Variants in FBN3 observed in about 807,000 individuals in gnomAD.
The protein encoded by FBN3 is fibrillin-3.
In FBN3, 234 loss-of-function variants were observed where a neutral mutation model predicts 330.1. That is an observed-to-expected ratio of 0.71 (90% CI 0.64 to 0.79). The LOEUF (loss-of-function observed/expected upper bound fraction) is 0.79. FBN3 is among the 30% of genes least tolerant of loss of function. FBN3 has a pLI of 0.00. For missense variants in FBN3, 3,606 were observed against 3,886.9 expected, an observed-to-expected ratio of 0.93 and a Z score of 1.92; for synonymous variants, 1,458 against 1,517.3, an observed-to-expected ratio of 0.96 and a Z score of 0.91.
intron 32 of FBN3, 65 bp downstream of exon 32, chr19:8,111,583 A>C: frequency 7.4e-7 from 1 of 1,358,836 alleles, no homozygotes; most frequent in Non-Finnish European, 1.0e-6. Context: ...CATGGCAGCC[A>C]CCGTGAATTC....
chr19:8,088,289 T>A, intron 51 of FBN3, 110 bp from the exon 52 acceptor site: 2 of 1,345,350 alleles, frequency 1.5e-6, no homozygotes, highest in Non-Finnish European at 2.0e-6. Context: ...CCAGATCGAA[T>A]GCACCTCTAG....
chr19:8,089,722 G>A, intron 50 of FBN3, 52 bp from the exon 51 acceptor site: 3 of 1,606,330 alleles, frequency 1.9e-6, no homozygotes, highest in Non-Finnish European at 1.7e-6. Flanking sequence ...ACAATCGCCA[G>A]AGCCCTGGCC....
At chr19:8,115,711 G>A in intron 29 of FBN3, 71 bp from the exon 30 acceptor site, 3 of 1,550,342 alleles carry the variant, frequency 1.9e-6, no homozygotes, top group Non-Finnish European at 2.7e-6. Context: ...AGGTGAGGGT[G>A]GGAGGGAGAT....
At chr19:8,132,858 G>T in intron 14 of FBN3, 126 bp downstream of exon 14, 6 of 1,046,338 alleles carry the variant, frequency 5.7e-6, no homozygotes, top group Non-Finnish European at 5.2e-6. Context: ...TTTTCTCCCT[G>T]CCCCTTCTCT....
Position 8,125,905 on chromosome 19 carries a change from G to A in FBN3, c.2718C>T (p.Gly906=). 2 of 1,612,858 alleles carry A rather than the reference G, an allele frequency of 1.2e-6. No individual in the cohort carries two copies. The highest frequency in any genetic ancestry group is 1.7e-6 in the Non-Finnish European group (2 of 1,179,798). The change falls in exon 22 of 64, where the codon GGC becomes GGT. Residue 906 remains glycine, a synonymous_variant. Coordinates refer to ENST00000600128, the MANE Select transcript of FBN3 (RefSeq NM_032447.5). The part of the protein sequence containing the change: ...CPEGLMLDAS[G]RLCVDVRLEP... ...GCCTGGACTCACCCACGCACAGCCG[G>A]CCTGAGGCGTCCAGCATCAGGCCCT...
intron 38 of FBN3, among the ~76,000 whole-genome samples, chr19:8,103,971 AC>A (rs1031800403): frequency 2.6e-5 from 4 of 151,738 alleles, no homozygotes; most frequent in African/African-American, 7.3e-5. Context: ...CCCCATCTCT[AC>A]TAAAAATTTT....
Position 8,081,355 on chromosome 19 carries a change from C to T in FBN3, c.7336+3G>A. Reference sequence around the variant, plus strand: ...GAGTGGGGGAGAGTTGAAAGGACATCACCTTTGCAGGTCCTGCCATCCTCC... The same window carrying T: ...GAGTGGGGGAGAGTTGAAAGGACATTACCTTTGCAGGTCCTGCCATCCTCC... On this transcript the variant is annotated splice_donor_region_variant and intron_variant, in intron 58 of 63. Transcript: ENST00000600128. The T allele has an allele frequency of 6.3e-7, 1 of 1,596,732 alleles. No individual in the cohort carries two copies. The highest frequency in any genetic ancestry group is 8.5e-7 in the Non-Finnish European group (1 of 1,171,738).
At position 8,090,224 on chromosome 19, in the gene FBN3, C is replaced by A. The variant is rs755211619; in HGVS notation, c.6059G>T (p.Arg2020Leu). The change falls in exon 49 of 64, where the codon CGT becomes CTT. Residue 2020 changes from arginine to leucine, a missense_variant. Transcript: ENST00000600128. ...FDTRQSFCFT[R>L]FEAGKCSVPK... is the part of the protein sequence containing the mutation. ...CACCGAGCACTTCCCAGCCTCAAAA[C>A]GGGTGAAGCAGAAACTCTGCCGTGT... 1 of 1,613,984 alleles carries A rather than the reference C, an allele frequency of 6.2e-7. No individual in the cohort carries two copies. Among genetic ancestry groups the A allele is most frequent in the Admixed American group, 1.7e-5 (1 of 59,994 alleles).
rs765575981 is a variant in FBN3 at position 8,075,125 on chromosome 19, G to A, written c.7648C>T (p.Arg2550Cys). ...HGCQNQLGGY[R>C]CSCPQGFTQH... ...GTGAAACCCTGGGGGCAGCTGCAGC[G>A]GTAGCCCCCTAGCTGGTTCTGACAG... Residue 2550 changes from arginine (R) to cysteine (C), a missense_variant, in exon 61 of 64, where the codon CGC (arginine) becomes TGC (cysteine). Arg to Cys is a radical substitution (Grantham distance 180). Coordinates refer to ENST00000600128, the MANE Select transcript of FBN3 (RefSeq NM_032447.5). The A allele has an allele frequency of 1.0e-5, 16 of 1,588,562 alleles. No homozygotes were observed. The highest frequency in any genetic ancestry group is 1.7e-4 in the Middle Eastern group (1 of 5,938).
chr19:8,082,628 G>A (rs2081830495), intron 57 of FBN3, among the ~76,000 whole-genome samples: 1 of 151,884 alleles, frequency 6.6e-6, no homozygotes, highest in South Asian at 2.1e-4. Flanking sequence ...CGCGTAGCTG[G>A]GATTATAGGC....
rs746532390 is a variant in FBN3, at chr19:8,085,567, T to A, written c.6883A>T (p.Ile2295Phe). The A allele has an allele frequency of 1.5e-5, 23 of 1,559,710 alleles. No homozygotes were observed. Among genetic ancestry groups the A allele is most frequent in the Non-Finnish European group, 1.6e-5 (19 of 1,153,490 alleles). The change falls in exon 56 of 64, where the codon ATC (isoleucine) becomes TTC (phenylalanine). Residue 2295 changes from isoleucine (I) to phenylalanine (F), a missense_variant and splice_region_variant. Coordinates refer to ENST00000600128, the MANE Select transcript of FBN3 (RefSeq NM_032447.5). ...TCGGCAAAGCAGGGCCCCTGCCGGA[T>A]GTCTGCAGAGAACAATGGGAAAGAC... is the stretch of plus-strand genomic sequence containing the variant. The part of the protein sequence containing the change: ...PSPTLTECHD[I>F]RQGPCFAEVL...
At position 8,081,091 on chromosome 19, in the gene FBN3, G is replaced by GT; in HGVS notation, c.7364dup (p.His2455GlnfsTer33). On this transcript the variant is annotated frameshift_variant, in exon 59 of 64. Transcript: ENST00000600128. LOFTEE classifies it high-confidence loss of function. Reference sequence around the variant, plus strand: ...TGTTGACACAGAGGAACTGACAGTTGTGCTGCCGGGAGGTGCATTCGTCCA... The same window carrying GT: ...TGTTGACACAGAGGAACTGACAGTTGTTGCTGCCGGGAGGTGCATTCGTCCA... 2.5e-6 allele frequency: 4 copies of GT among 1,613,826 alleles called. No homozygotes were observed. The highest frequency in any genetic ancestry group is 1.7e-6 in the Non-Finnish European group (2 of 1,180,010).
At chr19:8,078,062 A>G (rs1374193540) in intron 59 of FBN3, among the ~76,000 whole-genome samples, 6 of 152,210 alleles carry the variant, frequency 3.9e-5, no homozygotes, top group Admixed American at 3.3e-4. Flanking sequence ...TGGGCGACAG[A>G]GCAAGACTCC....
intron 53 of FBN3, 97 bp from the exon 54 acceptor site, chr19:8,087,308 T>C: frequency 7.5e-7 from 1 of 1,341,966 alleles, no homozygotes; most frequent in Non-Finnish European, 9.9e-7. Flanking sequence ...GGGACCTGAG[T>C]GAGTTCCCTG....
chr19:8,086,583 A>G (rs1272347562), intron 54 of FBN3, among the ~76,000 whole-genome samples: 3 of 149,214 alleles, frequency 2.0e-5, no homozygotes, highest in Non-Finnish European at 3.0e-5. Flanking sequence ...CAGCTTCCCA[A>G]GTAGCTGGGA....
Position 8,136,025 on chromosome 19 carries a change from C to T in FBN3, c.1527G>A (p.Glu509=), listed in dbSNP as rs765954865. The change falls in exon 13 of 64, where the codon GAG becomes GAA. Residue 509 remains glutamate, a synonymous_variant. Transcript: ENST00000600128. ...LCHLGRCVNT[E]GSFQCVCNAG... ...CATTGCAGACACACTGGAAGCTGCC[C>T]TCTGTGTTGACACAGCGGCCCAGGT... is the stretch of plus-strand genomic sequence containing the variant. 1 of 1,607,898 alleles carries T rather than the reference C, an allele frequency of 6.2e-7. No homozygotes were observed. Among genetic ancestry groups the T allele is most frequent in the Non-Finnish European group, 8.5e-7 (1 of 1,177,210 alleles).
chr19:8,125,806 A>C, intron 22 of FBN3, 86 bp downstream of exon 22: 5 of 1,408,652 alleles, frequency 3.5e-6, no homozygotes, highest in Non-Finnish European at 4.7e-6. Flanking sequence ...AAAAAAAAAA[A>C]ATCTCTCCTG....
chr19:8,066,647 G>A lies in FBN3; in HGVS notation c.8089-387C>T, dbSNP rs575463690. Among the ~76,000 whole-genome samples, 10 of 152,262 alleles carry A rather than the reference G, an allele frequency of 6.6e-5. No homozygotes were observed. In the East Asian group the frequency reaches 1.9e-3, roughly 29 times the overall value. ...TGTAATCCCAGCACTTTGGGAGGCC[G>A]AGGCGGGTGGATCACAAGGTCAGGA... On this transcript the variant is annotated intron_variant, in intron 63 of 63. Transcript: ENST00000600128.
chr19:8,094,656 T>C, intron 46 of FBN3, 91 bp from the exon 47 acceptor site: 2 of 1,447,726 alleles, frequency 1.4e-6, no homozygotes, highest in Non-Finnish European at 1.9e-6. Flanking sequence ...CACTGTGTGA[T>C]CACTGAGGGC....
Sources: allele counts gnomAD v4.1 joint callset (sites outside exome capture counted in the v4.1 genomes callset), GRCh38; gene constraint gnomAD v4.1.1; transcripts MANE v1.5; gene names NCBI Gene and HGNC (gene_info 2026-07-23, HGNC 2026-07-21).